The following ZFX variants were observed in gnomAD, a reference collection of about 807,000 sequenced individuals.
ZFX encodes the protein zinc finger X-chromosomal protein.
For missense variants in ZFX, 362 were observed against 628.3 expected (o/e 0.58, Z 4.53); for synonymous variants, 196 against 226.8 (o/e 0.86, Z 1.22).
In ZFX at chrX:24,179,308, G is replaced by C; in HGVS notation, c.184G>C (p.Val62Leu). Residue 62 changes from valine (V) to leucine (L), a missense_variant, in exon 5 of 10, where the codon GTT becomes CTT. Transcript: ENST00000304543. The part of the protein sequence containing the change: ...HNFVPDDPDS[V>L]VIQDVIEDVV... ...CTTTGTTCCTGATGACCCAGATTCA[G>C]TTGTAATCCAAGATGTTATTGAGGA... 8.3e-7 allele frequency: 1 copy of C among 1,212,036 alleles called. No homozygotes were observed. Among genetic ancestry groups the C allele is most frequent in the Non-Finnish European group, 1.1e-6 (1 of 895,604 alleles).
intron 5 of ZFX, among the ~76,000 whole-genome samples, chrX:24,196,429 A>G (rs1936927361): frequency 8.9e-6 from 1 of 112,109 alleles, no homozygotes; most frequent in South Asian, 3.7e-4. Flanking sequence ...TGTATGTTCT[A>G]TAACCATTAG....
intron 3 of ZFX, among the ~76,000 whole-genome samples, chrX:24,156,660 C>CTTTTTT (rs767019753): frequency 2.4e-5 from 2 of 83,580 alleles, no homozygotes; most frequent in Non-Finnish European, 4.3e-5. Context: ...TAATAATAGC[C>CTTTTTT]TTTTTTTTTT....
chrX:24,168,531 C>T (rs1934225543), intron 3 of ZFX, among the ~76,000 whole-genome samples: 1 of 110,565 alleles, frequency 9.0e-6, no homozygotes, highest in Non-Finnish European at 1.9e-5. Flanking sequence ...ACTTTTATTG[C>T]TTTATTATAT....
In ZFX at chrX:24,167,049, G is replaced by T. The variant is rs369696327; in HGVS notation, c.-28-5666G>T. On this transcript the variant is annotated intron_variant, in intron 3 of 9. Transcript: ENST00000304543. ...CATTTACCTATTAGTATAGGTGCCCGCAATGGTTTTCCTGCTGGGATAATG... is the reference window on the plus strand; with the variant it reads ...CATTTACCTATTAGTATAGGTGCCCTCAATGGTTTTCCTGCTGGGATAATG... Among the ~76,000 whole-genome samples, 31 of 111,877 alleles carry T rather than the reference G, an allele frequency of 2.8e-4. No individual in the cohort carries two copies. The East Asian group carries it at 3.9e-3, about 14-fold the overall frequency.
chrX:24,175,384 TAC>T (rs928953586), intron 4 of ZFX: 1 of 111,773 alleles, frequency 8.9e-6, no homozygotes, highest in African/African-American at 3.3e-5. Flanking sequence ...AACCTCTCAT[TAC>T]AGTTTTTCAG....
chrX:24,208,255 G>T lies in ZFX; in HGVS notation c.978G>T (p.Val326=), dbSNP rs754978527. The change falls in exon 8 of 10, where the codon GTG becomes GTT. Residue 326 remains valine (V), a synonymous_variant. Coordinates refer to ENST00000304543, the MANE Select transcript of ZFX (RefSeq NM_003410.4). ...AEIADEVYME[V]IVGEEDAAAA... ...TCGCTGACGAAGTTTATATGGAAGT[G>T]ATCGTAGGAGAGGAGGATGCTGCAG... The T allele has an allele frequency of 1.7e-6, 2 of 1,211,746 alleles. No individual in the cohort carries two copies. Among genetic ancestry groups the T allele is most frequent in the Non-Finnish European group, 2.2e-6 (2 of 895,540 alleles).
rs889784047 is a variant in ZFX at position 24,213,265 on chromosome X, GGTTAT to G, written c.*1894_*1898del. 8.9e-6 allele frequency: 1 copy of G among 111,915 alleles called. No homozygotes were observed. Among genetic ancestry groups the G allele is most frequent in the African/African-American group, 3.3e-5 (1 of 30,707 alleles). 9.2% of individuals were successfully genotyped at this position (111,915 alleles called of 1,213,427 possible). A position where few individuals can be genotyped will look rare whatever the true frequency, so the allele number is the denominator to read the frequency against. On this transcript the variant is annotated 3_prime_UTR_variant, in exon 10 of 10. Coordinates refer to ENST00000304543, the MANE Select transcript of ZFX (RefSeq NM_003410.4). ...AAACAAACTCGGTTAATTAGAACTT[GGTTAT>G]GTTAAGACGAATCTGGGAGAACAGA... is the stretch of plus-strand genomic sequence containing the variant.
intron 5 of ZFX, among the ~76,000 whole-genome samples, chrX:24,184,994 A>G (rs1367179144): frequency 8.9e-6 from 1 of 111,867 alleles, no homozygotes; most frequent in Admixed American, 9.5e-5. Flanking sequence ...TCCCTTACCC[A>G]GGCTGGGAGT....
chrX:24,167,365 C>G (rs764263290), intron 3 of ZFX, among the ~76,000 whole-genome samples: 1 of 111,169 alleles, frequency 9.0e-6, no homozygotes, highest in East Asian at 2.8e-4. Flanking sequence ...AGAAGTTCAC[C>G]CCAGCAGTCA....
chrX:24,200,118 T>A (rs1330090944), intron 5 of ZFX, among the ~76,000 whole-genome samples: 1 of 110,860 alleles, frequency 9.0e-6, no homozygotes, highest in Non-Finnish European at 1.9e-5. Flanking sequence ...ACAGCGTTTA[T>A]GGGCTTAGTT....
chrX:24,185,560 C>G (rs1174952543), intron 5 of ZFX, among the ~76,000 whole-genome samples: 1 of 111,379 alleles, frequency 9.0e-6, no homozygotes, highest in Non-Finnish European at 1.9e-5. Flanking sequence ...AAGTGATTCT[C>G]CTGCCTCAGC....
At chrX:24,171,977 G>T (rs952921304) in intron 3 of ZFX, among the ~76,000 whole-genome samples, 1 of 110,051 alleles carries the variant, frequency 9.1e-6, no homozygotes. Context: ...TCTTGCTCAT[G>T]GTTTTGGATT....
At chrX:24,177,073 C>T (rs371023274) in intron 4 of ZFX, among the ~76,000 whole-genome samples, 1 of 110,820 alleles carries the variant, frequency 9.0e-6, no homozygotes, top group Non-Finnish European at 1.9e-5. Context: ...GCTGGGACCA[C>T]AGGCACGTGC....
chrX:24,173,320 C>T (rs1268064147), intron 4 of ZFX, among the ~76,000 whole-genome samples: 1 of 110,402 alleles, frequency 9.1e-6, no homozygotes, highest in East Asian at 2.8e-4. Flanking sequence ...CATGTGGATC[C>T]TGTCATTTCT....
intron 5 of ZFX, among the ~76,000 whole-genome samples, chrX:24,206,434 T>C (rs1937578932): frequency 1.8e-5 from 2 of 109,582 alleles, no homozygotes; most frequent in Non-Finnish European, 3.8e-5. Context: ...CCTCCCAGGC[T>C]CATGTGATCC....
At chrX:24,192,466 A>C (rs1237166792) in intron 5 of ZFX, among the ~76,000 whole-genome samples, 2 of 111,662 alleles carry the variant, frequency 1.8e-5, no homozygotes, top group Non-Finnish European at 3.8e-5. Flanking sequence ...TATTGACTTC[A>C]AGTTTAATTA....
At chrX:24,177,151 C>T (rs1301032191) in intron 4 of ZFX, among the ~76,000 whole-genome samples, 5 of 111,546 alleles carry the variant, frequency 4.5e-5, no homozygotes. Flanking sequence ...GCAGGATGGT[C>T]TCGATCTCCT....
In ZFX at chrX:24,179,469, T is replaced by C. The variant is rs145897045; in HGVS notation, c.345T>C (p.Asp115=). The C allele has an allele frequency of 6.6e-6, 8 of 1,210,978 alleles. No homozygotes were observed. In the African/African-American group the frequency reaches 1.2e-4, roughly 18 times the overall value. The part of the protein sequence containing the change: ...EVSLAHCTVP[D]DVLASDITSA... ...CTTTAGCACATTGCACAGTCCCAGA[T>C]GATGTTTTAGCTTCTGACATTACTT... The change falls in exon 5 of 10, where the codon GAT becomes GAC. Residue 115 remains aspartate (D), a synonymous_variant. Transcript: ENST00000304543.
intron 5 of ZFX, among the ~76,000 whole-genome samples, chrX:24,205,945 T>G (rs190716606): frequency 5.8e-4 from 65 of 112,060 alleles, no homozygotes; most frequent in African/African-American, 2.0e-3. Context: ...TGTACCTCTT[T>G]TTTTTTTAAA....
Sources: allele counts gnomAD v4.1 joint callset (sites outside exome capture counted in the v4.1 genomes callset), GRCh38; gene constraint gnomAD v4.1.1; transcripts MANE v1.5; gene names NCBI Gene and HGNC (gene_info 2026-07-23, HGNC 2026-07-21).